Variants in ODAM observed in about 807,000 individuals in gnomAD.
The protein encoded by ODAM is odontogenic, ameloblast associated, also known as odontogenic ameloblast-associated protein.
ODAM carries 55 observed loss-of-function variants against 48.5 expected under a neutral mutation model. That is an observed-to-expected ratio of 1.13 (90% CI 0.91 to 1.42). ODAM has a LOEUF of 1.42. Among genes scored for constraint, ODAM ranks in the 40% most tolerant of loss-of-function variants. The pLI is 0.00. For synonymous variants in ODAM, 127 were observed against 107.8 expected, an observed-to-expected ratio of 1.18 and a Z score of -1.10; for missense variants, 353 against 323.6, an observed-to-expected ratio of 1.09 and a Z score of -0.70.
At chr4:70,201,531 T>C (rs369397463) in intron 8 of ODAM, 30 bp downstream of exon 8, 2 of 1,236,826 alleles carry the variant, frequency 1.6e-6, no homozygotes, top group Non-Finnish European at 2.4e-6. Context: ...TCATTAAAAA[T>C]ATTTTGAAAC....
chr4:70,196,571 C>T lies in ODAM; in HGVS notation c.28C>T (p.Leu10=). 1 of 1,595,400 alleles carries T rather than the reference C, an allele frequency of 6.3e-7. No individual in the cohort carries two copies. Among genetic ancestry groups the T allele is most frequent in the Non-Finnish European group, 8.6e-7 (1 of 1,166,434 alleles). ...GAAAATTATAATTCTTCTTGGATTC[C>T]TGGGAGCCACATTGTCAGCCCCAGT... MKIIILLGF[L]GATLSAPLIP... The change falls in exon 2 of 12, where the codon CTG becomes TTG. Residue 10 remains leucine, a synonymous_variant. Transcript: ENST00000683306.
chr4:70,202,634 A>T, intron 9 of ODAM, 122 bp from the exon 10 acceptor site: 1 of 689,762 alleles, frequency 1.4e-6, no homozygotes, highest in Admixed American at 3.0e-5. Flanking sequence ...TACTAATAAT[A>T]GCAACTCTTT....
At chr4:70,196,457 C>T in intron 1 of ODAM, 72 bp from the exon 2 acceptor site, 1 of 811,286 alleles carries the variant, frequency 1.2e-6, no homozygotes, top group Non-Finnish European at 1.9e-6. Flanking sequence ...TTTGATTGAA[C>T]AATACTAATT....
At chr4:70,200,673 GAA>G in intron 7 of ODAM, 72 bp downstream of exon 7, 1 of 986,248 alleles carries the variant, frequency 1.0e-6, no homozygotes, top group South Asian at 1.6e-5. Context: ...TATTACCATA[GAA>G]AAAAAGTTTC....
chr4:70,198,167 G>A lies in ODAM; in HGVS notation c.375+10G>A, dbSNP rs1265240178. The A allele has an allele frequency of 6.2e-7, 1 of 1,607,520 alleles. No individual in the cohort carries two copies. The highest frequency in any genetic ancestry group is 8.5e-7 in the Non-Finnish European group (1 of 1,175,956). ...ACCAGGCCCCAGTCACGTAAGTCAGGCCTCTTTCATTTTGTTCTGAGGAGA... is the reference window on the plus strand; with the variant it reads ...ACCAGGCCCCAGTCACGTAAGTCAGACCTCTTTCATTTTGTTCTGAGGAGA... On this transcript the variant is annotated intron_variant, in intron 5 of 11. Transcript: ENST00000683306.
rs1357977821 is a variant in ODAM at position 70,197,441 on chromosome 4, T to C, written c.141+120T>C. 8 of 719,252 alleles carry C rather than the reference T, an allele frequency of 1.1e-5. No individual in the cohort carries two copies. The East Asian group carries it at 2.0e-4, about 18-fold the overall frequency. 44.6% of individuals were successfully genotyped at this position (719,252 alleles called of 1,614,324 possible). ...TTGGAAATCTCAGTTTTTAACATTA[T>C]GAATTTGTCTCATATGTTCTAGTGG... is the stretch of plus-strand genomic sequence containing the variant. On this transcript the variant is annotated intron_variant, in intron 4 of 11. Coordinates refer to ENST00000683306, the MANE Select transcript of ODAM (RefSeq NM_017855.4).
intron 6 of ODAM, among the ~76,000 whole-genome samples, 191 bp from the exon 7 acceptor site, chr4:70,200,306 T>C (rs1156691638): frequency 6.6e-6 from 1 of 151,900 alleles, no homozygotes; most frequent in East Asian, 1.9e-4. Context: ...AAAAACCAAG[T>C]CCAGTATTAC....
intron 3 of ODAM, 59 bp from the exon 4 acceptor site, chr4:70,197,215 T>C: frequency 1.2e-6 from 1 of 819,856 alleles, no homozygotes; most frequent in Non-Finnish European, 2.1e-6. Flanking sequence ...CAGTAAACAT[T>C]GTTCCTACTC....
Position 70,195,744 on chromosome 4 carries a change from A to G in ODAM, c.-65A>G. The G allele has an allele frequency of 1.0e-6, 1 of 983,486 alleles. No individual in the cohort carries two copies. 60.9% of individuals were successfully genotyped at this position (983,486 alleles called of 1,614,324 possible). A position where few individuals can be genotyped will look rare whatever the true frequency, so the allele number is the denominator to read the frequency against. On this transcript the variant is annotated 5_prime_UTR_variant, in exon 1 of 12. Transcript: ENST00000683306. ...AGCAGTAGAGCTGAGAGAGGAAAAG[A>G]ACACAGATCTCGCATGGTTCAGATT... is the stretch of plus-strand genomic sequence containing the variant.
rs770698149 is a variant in ODAM, at chr4:70,202,778, A to G, written c.671A>G (p.Tyr224Cys). 2 of 1,610,704 alleles carry G rather than the reference A, an allele frequency of 1.2e-6. No individual in the cohort carries two copies. The highest frequency in any genetic ancestry group is 3.4e-5 in the Admixed American group (2 of 59,568). ...TAGTCAACAGGAGAAGAGATACCAT[A>G]TTTACAAAAAGAAGCGATCAACTTT... Reference protein sequence around the residue: ...AVMSTGEEIPYLQKEAINFRH... With the variant: ...AVMSTGEEIPCLQKEAINFRH... Residue 224 changes from tyrosine (Y) to cysteine (C), a missense_variant, in exon 10 of 12, where the codon TAT becomes TGT. Transcript: ENST00000683306.
intron 9 of ODAM, 115 bp from the exon 10 acceptor site, chr4:70,202,640 TC>T (rs1729525042): frequency 5.6e-6 from 4 of 716,082 alleles, no homozygotes; most frequent in Non-Finnish European, 9.0e-6. Context: ...TAATAGCAAC[TC>T]TTTTTTTAAT....
Position 70,200,597 on chromosome 4 carries a change from A to G in ODAM, c.524A>G (p.Glu175Gly). Reference sequence around the variant, plus strand: ...CAAACAAGACAGCAACAGTATGAGGAGCAGGTACTGCAAATGTTTTATTTT... The same window carrying G: ...CAAACAAGACAGCAACAGTATGAGGGGCAGGTACTGCAAATGTTTTATTTT... ...PQQTRQQQYEEQIPFYAQFGY... is the reference protein window; with the variant it reads ...PQQTRQQQYEGQIPFYAQFGY... Residue 175 changes from glutamate (E) to glycine (G), a missense_variant, in exon 7 of 12, where the codon GAG becomes GGG. Transcript: ENST00000683306. 1.9e-6 allele frequency: 3 copies of G among 1,592,658 alleles called. No homozygotes were observed. Among genetic ancestry groups the G allele is most frequent in the Non-Finnish European group, 2.6e-6 (3 of 1,162,568 alleles).
At position 70,202,893 on chromosome 4, in the gene ODAM, T is replaced by C; in HGVS notation, c.786T>C (p.Ile262=). The part of the protein sequence containing the change: ...NVFTSAVDQT[I]TPELPEEKDK... Reference sequence around the variant, plus strand: ...TCACTTCTGCTGTAGACCAAACTATTACCCCAGAGCTCCCAGAAGAGAAGG... The same window carrying C: ...TCACTTCTGCTGTAGACCAAACTATCACCCCAGAGCTCCCAGAAGAGAAGG... Residue 262 remains isoleucine, a synonymous_variant, in exon 10 of 12, where the codon ATT becomes ATC. Coordinates refer to ENST00000683306, the MANE Select transcript of ODAM (RefSeq NM_017855.4). 1 of 1,611,878 alleles carries C rather than the reference T, an allele frequency of 6.2e-7. No individual in the cohort carries two copies. Among genetic ancestry groups the C allele is most frequent in the South Asian group, 1.1e-5 (1 of 90,948 alleles).
rs1729466450 is a variant in ODAM, at chr4:70,200,223, T to G, written c.424-274T>G. 3.4e-5 allele frequency: 11 copies of G among 319,764 alleles called. 1 individual carries two copies. Among genetic ancestry groups the G allele is most frequent in the South Asian group, 3.0e-4 (11 of 36,868 alleles). The allele number at this position is 319,764 out of a possible 1,614,324, so 19.8% of individuals were successfully genotyped here. A position where few individuals can be genotyped will look rare whatever the true frequency, so the allele number is the denominator to read the frequency against. ...TGTATATAAAGTTTCTAAGATGTCC[T>G]TTGAAAAAAAAAAAAAGCTCTTCTG... On this transcript the variant is annotated intron_variant, in intron 6 of 11. Transcript: ENST00000683306.
intron 9 of ODAM, 121 bp from the exon 10 acceptor site, chr4:70,202,635 G>A (rs1729524667): frequency 1.5e-6 from 1 of 688,018 alleles, no homozygotes; most frequent in African/African-American, 1.8e-5. Flanking sequence ...ACTAATAATA[G>A]CAACTCTTTT....
chr4:70,198,110 C>A lies in ODAM; in HGVS notation c.328C>A (p.Pro110Thr), dbSNP rs376097083. ...AGGAGCCCAGGCAGGCCAAGTTGAT[C>A]CCTTACAGCTTCAAACACCGCCTCA... ...AQGAQAGQVDPLQLQTPPQTQ... is the reference protein window; with the variant it reads ...AQGAQAGQVDTLQLQTPPQTQ... Residue 110 changes from proline (P) to threonine (T), a missense_variant, in exon 5 of 12, where the codon CCC becomes ACC. Transcript: ENST00000683306. 145 of 1,613,104 alleles carry A rather than the reference C, an allele frequency of 9.0e-5. No individual in the cohort carries two copies. The highest frequency in any genetic ancestry group is 1.2e-4 in the Non-Finnish European group (144 of 1,179,540).
At position 70,204,273 on chromosome 4, in the gene ODAM, C is replaced by T. The variant is rs200370940; in HGVS notation, c.*128C>T. ...GAATACATGAAATATCTTGACTCTT[C>T]TCCTAAATTTGTTTTTACTTATACA... On this transcript the variant is annotated 3_prime_UTR_variant, in exon 12 of 12. Coordinates refer to ENST00000683306, the MANE Select transcript of ODAM (RefSeq NM_017855.4). 1.3e-5 allele frequency: 2 copies of T among 151,906 alleles called. No individual in the cohort carries two copies. Among genetic ancestry groups the T allele is most frequent in the Admixed American group, 6.6e-5 (1 of 15,204 alleles). The allele number at this position is 151,906 out of a possible 1,614,324, so 9.4% of individuals were successfully genotyped here. A position where few individuals can be genotyped will look rare whatever the true frequency, so the allele number is the denominator to read the frequency against.
Position 70,202,314 on chromosome 4 carries a change from T to C in ODAM, c.633T>C (p.Pro211=), listed in dbSNP as rs1170843634. 7 of 1,611,360 alleles carry C rather than the reference T, an allele frequency of 4.3e-6. No individual in the cohort carries two copies. The highest frequency in any genetic ancestry group is 1.7e-5 in the Admixed American group (1 of 59,756). The stretch of plus-strand genomic sequence containing the variant: ...TTGATCCCCAACTAGGCACAGCTCC[T>C]GAAATTGCTGTGATGGTAAGATTCC... ...LAFDPQLGTA[P]EIAVMSTGEE... The change falls in exon 9 of 12, where the codon CCT becomes CCC. Residue 211 remains proline, a synonymous_variant. Coordinates refer to ENST00000683306, the MANE Select transcript of ODAM (RefSeq NM_017855.4).
chr4:70,200,642 G>GA, intron 7 of ODAM, 41 bp downstream of exon 7: 1 of 1,257,878 alleles, frequency 7.9e-7, no homozygotes, highest in Non-Finnish European at 1.1e-6. Context: ...AGTTCCACTT[G>GA]AAAATAGAGA....
Sources: gnomAD v4.1 joint callset for allele counts (sites outside exome capture counted in the v4.1 genomes callset) on GRCh38, gnomAD v4.1.1 for gene constraint, MANE v1.5 for transcripts, NCBI Gene and HGNC (gene_info 2026-07-23, HGNC 2026-07-21) for gene names.